ADGRE5: variants seen among roughly 807,000 people sequenced by gnomAD.
The protein encoded by ADGRE5 is adhesion G protein-coupled receptor E5, also known as CD97 molecule.
ADGRE5 carries 72 observed loss-of-function variants against 100.3 expected under a neutral mutation model. The observed-to-expected ratio is 0.72, with a 90% CI of 0.59 to 0.87. The LOEUF is 0.87. Among genes scored for constraint, ADGRE5 ranks in the 40% least tolerant of loss-of-function variants. ADGRE5 has a pLI of 0.00. For synonymous variants in ADGRE5, 439 were observed against 447.8 expected (o/e 0.98, Z 0.25); for missense variants, 959 against 1,094.7 (o/e 0.88, Z 1.75).
Position 14,398,561 on chromosome 19 carries a change from G to T in ADGRE5, c.897+422G>T, listed in dbSNP as rs1248318007. ...GTGGTGGCGGGTGCCTGTAGTCCCA[G>T]CTACTCAGCAGGCTGAGGCAGGACA... On this transcript the variant is annotated intron_variant, in intron 9 of 19. Transcript: ENST00000242786. Among the ~76,000 whole-genome samples the T allele has an allele frequency of 4.0e-5, 6 of 151,408 alleles. No homozygotes were observed. The Admixed American group carries it at 4.0e-4, about 10-fold the overall frequency.
In ADGRE5 at chr19:14,388,503, G is replaced by A. The variant is rs1975440761; in HGVS notation, c.73+3G>A. ...AGCTGAAACCCAGGACTCCAGGGGT[G>A]AGTCTGCTGGGAAGCAGAAAGCACA... On this transcript the variant is annotated splice_donor_region_variant and intron_variant, in intron 2 of 19. Coordinates refer to ENST00000242786, the MANE Select transcript of ADGRE5 (RefSeq NM_078481.4). The A allele has an allele frequency of 1.9e-6, 3 of 1,588,272 alleles. No homozygotes were observed. In the South Asian group the frequency reaches 3.4e-5, roughly 18 times the overall value.
Position 14,406,928 on chromosome 19 carries a change from C to T in ADGRE5, c.2175C>T (p.Ile725=), listed in dbSNP as rs372902968. Residue 725 remains isoleucine, a synonymous_variant, in exon 17 of 20, where the codon ATC becomes ATT. Transcript: ENST00000242786. The surrounding 1 kb of genome is among the most constrained non-coding windows in gnomAD (Gnocchi z 6.0). ...VWKLTQKFSE[I]NPDMKKLKKA... is the part of the protein sequence containing the mutation. ...AGCTCACTCAGAAGTTTTCTGAAAT[C>T]AATCCAGACATGAAGAAATTAAAGA... The T allele has an allele frequency of 1.9e-6, 3 of 1,614,132 alleles. No individual in the cohort carries two copies. Among genetic ancestry groups the T allele is most frequent in the Non-Finnish European group, 2.5e-6 (3 of 1,179,994 alleles).
At chr19:14,392,445 C>T (rs180823461) in intron 4 of ADGRE5, among the ~76,000 whole-genome samples, 8 of 152,036 alleles carry the variant, frequency 5.3e-5, no homozygotes, top group Admixed American at 2.0e-4. Context: ...GGATTACAGG[C>T]GTGAGCCACC....
intron 5 of ADGRE5, among the ~76,000 whole-genome samples, chr19:14,396,851 G>T (rs1342028258): frequency 6.6e-6 from 1 of 152,190 alleles, no homozygotes; most frequent in African/African-American, 2.4e-5. Flanking sequence ...TTTCCCTTTT[G>T]GTTTCACCTC....
At chr19:14,395,725 A>G (rs1038403622) in intron 4 of ADGRE5, among the ~76,000 whole-genome samples, 1 of 152,044 alleles carries the variant, frequency 6.6e-6, no homozygotes, top group Non-Finnish European at 1.5e-5. Context: ...ATCAGCCCCC[A>G]CTGTTCACCC....
At position 14,398,063 on chromosome 19, in the gene ADGRE5, C is replaced by T. The variant is rs150335785; in HGVS notation, c.821C>T (p.Thr274Met). Residue 274 changes from threonine to methionine, a missense_variant and splice_region_variant, in exon 9 of 20, where the codon ACG (threonine) becomes ATG (methionine). By Grantham distance (81) the Thr-to-Met change is moderately conservative (BLOSUM62 -1). This residue lies in a region of ADGRE5 where 69 missense variants were observed against 135.0 expected (regional missense o/e 0.51). Coordinates refer to ENST00000242786, the MANE Select transcript of ADGRE5 (RefSeq NM_078481.4). The part of the protein sequence containing the change: ...WTPPPGVHSQ[T>M]LSRFFDKVQD... ...CCCCCACATCTCCTCTCTCTGCAGA[C>T]GCTTTCCCGATTCTTCGACAAAGTC... 1.0e-4 allele frequency: 169 copies of T among 1,613,742 alleles called. No individual in the cohort carries two copies. Among genetic ancestry groups the T allele is most frequent in the Non-Finnish European group, 1.3e-4 (151 of 1,179,884 alleles).
intron 4 of ADGRE5, among the ~76,000 whole-genome samples, chr19:14,391,961 G>A (rs935635075): frequency 4.6e-5 from 7 of 151,512 alleles, no homozygotes; most frequent in Admixed American, 4.6e-4. Flanking sequence ...GCCAGACATG[G>A]TGGCACGCGC....
chr19:14,398,729 C>T (rs1037165518), intron 9 of ADGRE5, among the ~76,000 whole-genome samples: 1 of 149,538 alleles, frequency 6.7e-6, no homozygotes, highest in Non-Finnish European at 1.5e-5. Context: ...AAGTTCAAAT[C>T]CCCCCATTGC....
chr19:14,400,594 C>T (rs1278532766), intron 9 of ADGRE5, among the ~76,000 whole-genome samples: 1 of 151,744 alleles, frequency 6.6e-6, no homozygotes, highest in East Asian at 1.9e-4. Flanking sequence ...GAGTTCAAGA[C>T]CAGCCTGGCC....
rs1976268259 is a variant in ADGRE5 at position 14,406,887 on chromosome 19, G to A, written c.2134G>A (p.Val712Met). The part of the protein sequence containing the change: ...FIILCNAVIF[V>M]TTVWKLTQKF... ...TGCCCAGTGCAATGCTGTCATTTTC[G>A]TGACTACCGTCTGGAAGCTCACTCA... The change falls in exon 17 of 20, where the codon GTG becomes ATG. Residue 712 changes from valine to methionine, a missense_variant. By Grantham distance (21) the Val-to-Met change is conservative. This residue lies in a region of ADGRE5 where 428 missense variants were observed against 386.2 expected (regional missense o/e 1.11). Transcript: ENST00000242786. This position sits in a 1 kb window ranked among gnomAD's most constrained non-coding sequence, Gnocchi z 6.0. 10 of 1,614,020 alleles carry A rather than the reference G, an allele frequency of 6.2e-6. No homozygotes were observed. Among genetic ancestry groups the A allele is most frequent in the Admixed American group, 1.7e-5 (1 of 60,002 alleles).
At chr19:14,390,879 A>T in intron 3 of ADGRE5, 45 bp from the exon 4 acceptor site, 2 of 1,603,896 alleles carry the variant, frequency 1.2e-6, no homozygotes, top group Non-Finnish European at 1.7e-6. Flanking sequence ...GCCCTGACAG[A>T]ACTCACATCT....
At chr19:14,394,533 C>T (rs1376640721) in intron 4 of ADGRE5, among the ~76,000 whole-genome samples, 1 of 152,156 alleles carries the variant, frequency 6.6e-6, no homozygotes, top group Non-Finnish European at 1.5e-5. Context: ...AAGCTCGGAA[C>T]ATCCCCCTGC....
chr19:14,404,630 T>C, intron 13 of ADGRE5, 68 bp downstream of exon 13: 1 of 1,472,770 alleles, frequency 6.8e-7, no homozygotes, highest in East Asian at 2.3e-5. Flanking sequence ...GACAGGCAGC[T>C]AGTTCTCCAT....
chr19:14,392,890 G>A (rs1201760798), intron 4 of ADGRE5, among the ~76,000 whole-genome samples: 3 of 146,198 alleles, frequency 2.1e-5, no homozygotes, highest in Non-Finnish European at 3.0e-5. Flanking sequence ...GTGACAGAGC[G>A]AGACTCCATT....
At chr19:14,381,573 G>A (rs775089878) in intron 1 of ADGRE5, 28 bp downstream of exon 1, 8 of 1,594,230 alleles carry the variant, frequency 5.0e-6, no homozygotes, top group Non-Finnish European at 6.8e-6. Context: ...CCGCTGGGAG[G>A]GGCGAGGAAG....
rs539792040 is a variant in ADGRE5, at chr19:14,398,280, C to T, written c.897+141C>T. The stretch of plus-strand genomic sequence containing the variant: ...GCGCATAACATACACACACCACATA[C>T]AGTATGTGCACAAACATACACACCC... On this transcript the variant is annotated intron_variant, in intron 9 of 19. Coordinates refer to ENST00000242786, the MANE Select transcript of ADGRE5 (RefSeq NM_078481.4). 3.8e-5 allele frequency: 27 copies of T among 704,984 alleles called. No homozygotes were observed. In the Admixed American group the frequency reaches 6.3e-4, roughly 17 times the overall value. 43.7% of individuals were successfully genotyped at this position (704,984 alleles called of 1,614,324 possible).
Position 14,408,196 on chromosome 19 carries a change from C to G in ADGRE5, c.*75C>G. 6.7e-7 allele frequency: 1 copy of G among 1,489,474 alleles called. No homozygotes were observed. Among genetic ancestry groups the G allele is most frequent in the African/African-American group, 1.4e-5 (1 of 72,552 alleles). 92.3% of individuals were successfully genotyped at this position (1,489,474 alleles called of 1,614,324 possible). A position where few individuals can be genotyped will look rare whatever the true frequency, so the allele number is the denominator to read the frequency against. Reference sequence around the variant, plus strand: ...TGTACACGAAGACCATCCATCCTCCCTTCGTCCACCACTCTACTCCCTCCA... The same window carrying G: ...TGTACACGAAGACCATCCATCCTCCGTTCGTCCACCACTCTACTCCCTCCA... On this transcript the variant is annotated 3_prime_UTR_variant, in exon 20 of 20. Coordinates refer to ENST00000242786, the MANE Select transcript of ADGRE5 (RefSeq NM_078481.4).
chr19:14,405,629 G>A (rs532449667), intron 13 of ADGRE5, 119 bp from the exon 14 acceptor site: 1 of 720,212 alleles, frequency 1.4e-6, no homozygotes, highest in African/African-American at 1.8e-5. Context: ...ATCTAGGAGG[G>A]ACAAGGGAGG....
At chr19:14,405,265 C>G (rs1417639145) in intron 13 of ADGRE5, 1 of 154,884 alleles carries the variant, frequency 6.5e-6, no homozygotes. Flanking sequence ...GCCTCAGCCT[C>G]CCAAGTAGCT....
Sources: gnomAD v4.1 joint callset for allele counts (sites outside exome capture counted in the v4.1 genomes callset) on GRCh38, gnomAD v4.1.1 for gene constraint, gnomAD v4.1.1 regional missense constraint, Gnocchi (gnomAD v3.1) non-coding constraint, MANE v1.5 for transcripts, NCBI Gene and HGNC (gene_info 2026-07-23, HGNC 2026-07-21) for gene names.